The following TXK variants were observed in gnomAD, a reference collection of about 807,000 sequenced individuals.
TXK encodes the protein tyrosine-protein kinase TXK.
A neutral mutation model predicts 81.0 loss-of-function variants in TXK; 60 were observed. That is an observed-to-expected ratio of 0.74 (90% CI 0.60 to 0.92). TXK has a LOEUF of 0.92. TXK is among the 40% of genes least tolerant of loss of function. The pLI is 0.00. For missense variants in TXK, 581 were observed against 638.3 expected, an observed-to-expected ratio of 0.91 and a Z score of 0.97; for synonymous variants, 203 against 210.7, an observed-to-expected ratio of 0.96 and a Z score of 0.32.
intron 1 of TXK, among the ~76,000 whole-genome samples, chr4:48,115,626 C>G (rs929280578): frequency 6.6e-6 from 1 of 152,092 alleles, no homozygotes; most frequent in Admixed American, 6.5e-5. Flanking sequence ...GCAGGCAGAT[C>G]GCTTGAGCCC....
intron 14 of TXK, among the ~76,000 whole-genome samples, chr4:48,068,779 T>C (rs1371017564): frequency 1.3e-5 from 2 of 152,158 alleles, no homozygotes; most frequent in Non-Finnish European, 2.9e-5. Context: ...ACAGGGGTCA[T>C]TGACAGTAGG....
At position 48,073,971 on chromosome 4, in the gene TXK, T is replaced by A. The variant is rs779293205; in HGVS notation, c.1321A>T (p.Asn441Tyr). The change falls in exon 13 of 15, where the codon AAT (asparagine) becomes TAT (tyrosine). Residue 441 changes from asparagine (N) to tyrosine (Y), a missense_variant. Asn to Tyr is a moderately radical substitution (Grantham distance 143, BLOSUM62 -2). Transcript: ENST00000264316. ...ACATCAGATTTACTGCTGTACTTAT[T>A]GAAAAGAAAAACTTCAGGAGGGGAC... ...KWSPPEVFLFNKYSSKSDVWS... is the reference protein window; with the variant it reads ...KWSPPEVFLFYKYSSKSDVWS... 6.2e-7 allele frequency: 1 copy of A among 1,613,812 alleles called. No homozygotes were observed. The highest frequency in any genetic ancestry group is 1.1e-5 in the South Asian group (1 of 91,034).
chr4:48,130,805 G>GA (rs1181913269), intron 1 of TXK, among the ~76,000 whole-genome samples: 1 of 152,142 alleles, frequency 6.6e-6, no homozygotes, highest in Non-Finnish European at 1.5e-5. Flanking sequence ...ATAGGACTCT[G>GA]AAAAGAGAGG....
chr4:48,101,898 GC>G (rs1718207668), intron 6 of TXK, among the ~76,000 whole-genome samples: 1 of 151,614 alleles, frequency 6.6e-6, no homozygotes, highest in Non-Finnish European at 1.5e-5. Context: ...TCTCCTAAAA[GC>G]CAGAAACCAG....
intron 8 of TXK, among the ~76,000 whole-genome samples, chr4:48,091,136 A>T (rs1190746391): frequency 1.3e-5 from 2 of 152,202 alleles, no homozygotes; most frequent in African/African-American, 4.8e-5. Flanking sequence ...TCTGCTGGAG[A>T]TGCATATAGG....
chr4:48,085,268 C>A (rs1342010207), intron 10 of TXK, among the ~76,000 whole-genome samples: 1 of 152,058 alleles, frequency 6.6e-6, no homozygotes, highest in Non-Finnish European at 1.5e-5. Context: ...AGCTCTGGAC[C>A]CTTATGTCCT....
At chr4:48,085,509 C>T (rs930575345) in intron 10 of TXK, among the ~76,000 whole-genome samples, 5 of 152,252 alleles carry the variant, frequency 3.3e-5, no homozygotes, top group South Asian at 2.1e-4. Flanking sequence ...TAGGTAGAAG[C>T]GGGCAGTTCC....
chr4:48,123,593 T>C (rs1719011574), intron 1 of TXK, among the ~76,000 whole-genome samples: 1 of 152,222 alleles, frequency 6.6e-6, no homozygotes, highest in African/African-American at 2.4e-5. Context: ...TAATTTTGCA[T>C]TAATTCGCTT....
chr4:48,100,635 C>T (rs7654844), intron 6 of TXK, among the ~76,000 whole-genome samples: 47,205 of 152,026 alleles, frequency 0.31, 8,747 homozygotes, highest in Non-Finnish European at 0.41. Context: ...CATTTCAATA[C>T]CTGTTAAAAT....
intron 1 of TXK, among the ~76,000 whole-genome samples, chr4:48,120,215 GTA>G (rs1254427918): frequency 1.1e-5 from 1 of 90,848 alleles, no homozygotes; most frequent in Non-Finnish European, 3.1e-5. Flanking sequence ...ACGTATATAT[GTA>G]CATATATACG....
intron 10 of TXK, among the ~76,000 whole-genome samples, chr4:48,083,199 G>C (rs1234262244): frequency 1.3e-5 from 2 of 152,136 alleles, no homozygotes; most frequent in Non-Finnish European, 2.9e-5. Context: ...CTGCTGTTGG[G>C]CTAGAGCCCA....
intron 1 of TXK, among the ~76,000 whole-genome samples, chr4:48,123,097 GTA>G (rs1420326441): frequency 1.3e-5 from 2 of 152,104 alleles, no homozygotes; most frequent in African/African-American, 4.8e-5. Context: ...GCCAAAAAGT[GTA>G]TATAATGGCC....
intron 5 of TXK, among the ~76,000 whole-genome samples, chr4:48,108,670 G>T (rs1189017982): frequency 2.0e-5 from 3 of 152,046 alleles, no homozygotes; most frequent in Non-Finnish European, 4.4e-5. Flanking sequence ...GCAATAAAAT[G>T]AAAAATGAGT....
At chr4:48,067,791 T>C in intron 14 of TXK, 86 bp from the exon 15 acceptor site, 1 of 1,279,668 alleles carries the variant, frequency 7.8e-7, no homozygotes, top group Non-Finnish European at 1.1e-6. Flanking sequence ...CATGTGGGAG[T>C]CACTTATATC....
At chr4:48,127,944 T>A (rs1719135659) in intron 1 of TXK, among the ~76,000 whole-genome samples, 1 of 152,070 alleles carries the variant, frequency 6.6e-6, no homozygotes, top group South Asian at 2.1e-4. Flanking sequence ...TGGGAACAGG[T>A]TTCCACCAGG....
At chr4:48,126,198 CTCT>C (rs1430226832) in intron 1 of TXK, among the ~76,000 whole-genome samples, 5 of 152,284 alleles carry the variant, frequency 3.3e-5, no homozygotes, top group African/African-American at 1.2e-4. Flanking sequence ...CCAATCCCTC[CTCT>C]TCATCATCCT....
Position 48,083,743 on chromosome 4 carries a change from A to G in TXK, c.956+2723T>C, listed in dbSNP as rs538034278. On this transcript the variant is annotated intron_variant, in intron 10 of 14. Coordinates refer to ENST00000264316, the MANE Select transcript of TXK (RefSeq NM_003328.3). ...TAACACTCACCAGGTTAAACAGGAG[A>G]AATAAATAAAGGTTATATTATTAGA... Among the ~76,000 whole-genome samples, 29 of 152,350 alleles carry G rather than the reference A, an allele frequency of 1.9e-4. No homozygotes were observed. In the East Asian group the frequency reaches 3.5e-3, roughly 18 times the overall value.
At chr4:48,086,783 C>G in intron 9 of TXK, 146 bp from the exon 10 acceptor site, 1 of 683,576 alleles carries the variant, frequency 1.5e-6, no homozygotes, top group Non-Finnish European at 2.4e-6. Context: ...TTTTAATACT[C>G]TCACTGTGGC....
intron 4 of TXK, among the ~76,000 whole-genome samples, chr4:48,111,273 CAG>C: frequency 6.6e-6 from 1 of 152,080 alleles, no homozygotes. Context: ...CAGAATCATG[CAG>C]AAAGTAAGAT....
Sources: gnomAD v4.1 joint callset for allele counts (sites outside exome capture counted in the v4.1 genomes callset) on GRCh38, gnomAD v4.1.1 for gene constraint, MANE v1.5 for transcripts, NCBI Gene and HGNC (gene_info 2026-07-23, HGNC 2026-07-21) for gene names.